Variants in CABCOCO1 observed in about 807,000 individuals in gnomAD.
CABCOCO1 encodes ciliary associated calcium binding coiled-coil 1.
In CABCOCO1, 28 loss-of-function variants were observed where a neutral mutation model predicts 35.7. The ratio of observed to expected loss-of-function variants is 0.78; its 90% CI spans 0.58 to 1.07. The LOEUF (loss-of-function observed/expected upper bound fraction) is 1.07, where lower values mean the gene tolerates loss of function less well. Ranked by LOEUF, CABCOCO1 falls within the 50% of genes least tolerant of loss-of-function variation. The pLI is 0.00. For missense variants in CABCOCO1, 326 were observed against 309.2 expected (o/e 1.05, Z -0.41); for synonymous variants, 95 against 100.1 (o/e 0.95, Z 0.30).
chr10:61,667,338 A>T (rs1839219167), intron 1 of CABCOCO1, among the ~76,000 whole-genome samples: 1 of 150,922 alleles, frequency 6.6e-6, no homozygotes. Flanking sequence ...TTACTGTGTC[A>T]ATATCATGTC....
chr10:61,722,949 C>T (rs961889136), intron 5 of CABCOCO1, among the ~76,000 whole-genome samples: 1 of 152,134 alleles, frequency 6.6e-6, no homozygotes, highest in African/African-American at 2.4e-5. Context: ...TGATAATTGA[C>T]CCGTATTTAA....
intron 2 of CABCOCO1, among the ~76,000 whole-genome samples, chr10:61,680,763 T>A (rs771029277): frequency 1.1e-5 from 1 of 95,196 alleles, no homozygotes; most frequent in African/African-American, 4.1e-5. Flanking sequence ...TATTTAACAA[T>A]TTAGTTCCAG....
chr10:61,697,328 A>G (rs536507241), intron 5 of CABCOCO1, among the ~76,000 whole-genome samples: 2 of 152,224 alleles, frequency 1.3e-5, no homozygotes, highest in South Asian at 4.1e-4. Context: ...AAAATGAAGT[A>G]TAGTCACACT....
intron 5 of CABCOCO1, among the ~76,000 whole-genome samples, chr10:61,757,335 T>G (rs1224655450): frequency 3.3e-5 from 5 of 152,068 alleles, no homozygotes; most frequent in African/African-American, 9.7e-5. Flanking sequence ...ACTTTATTAT[T>G]ATTAATGAAA....
chr10:61,683,453 T>C (rs1352580787), intron 3 of CABCOCO1, among the ~76,000 whole-genome samples: 1 of 151,966 alleles, frequency 6.6e-6, no homozygotes, highest in East Asian at 1.9e-4. Flanking sequence ...CTCAGCTACT[T>C]GGGATGCTGA....
intron 5 of CABCOCO1, among the ~76,000 whole-genome samples, chr10:61,745,904 A>G (rs1206442156): frequency 2.0e-5 from 3 of 152,204 alleles, no homozygotes; most frequent in African/African-American, 7.2e-5. Flanking sequence ...CTAGAGTTCA[A>G]ATCTTAGTTT....
chr10:61,663,346 C>G (rs1034073857), intron 1 of CABCOCO1, among the ~76,000 whole-genome samples: 2 of 151,818 alleles, frequency 1.3e-5, no homozygotes, highest in African/African-American at 4.8e-5. Flanking sequence ...GCGCTTCTAC[C>G]GCAGGTTTTG....
intron 5 of CABCOCO1, among the ~76,000 whole-genome samples, chr10:61,722,154 ACTATAT>A (rs1841038449): frequency 6.6e-6 from 1 of 152,082 alleles, no homozygotes; most frequent in Non-Finnish European, 1.5e-5. Context: ...ATACACACAA[ACTATAT>A]CTATATTTCC....
chr10:61,741,045 G>A (rs1017486113), intron 5 of CABCOCO1, among the ~76,000 whole-genome samples: 1 of 152,082 alleles, frequency 6.6e-6, no homozygotes, highest in Non-Finnish European at 1.5e-5. Context: ...TCGGGAGGCT[G>A]AGGCAAGAGA....
chr10:61,751,548 G>A (rs57541197), intron 5 of CABCOCO1, among the ~76,000 whole-genome samples: 14,421 of 152,070 alleles, frequency 0.095, 828 homozygotes, highest in Middle Eastern at 0.15. Flanking sequence ...GTTTGGGGAA[G>A]GTAATTAAGG....
chr10:61,723,217 A>G (rs992567443), intron 5 of CABCOCO1, among the ~76,000 whole-genome samples: 3 of 152,240 alleles, frequency 2.0e-5, no homozygotes, highest in Non-Finnish European at 4.4e-5. Context: ...AGACAAGAAG[A>G]AAAAACTGTT....
Position 61,765,993 on chromosome 10 carries a change from G to C in CABCOCO1, c.871G>C (p.Glu291Gln). Residue 291 changes from glutamate to glutamine, a missense_variant, in exon 8 of 8, where the codon GAA becomes CAA. Coordinates refer to ENST00000648843, the MANE Select transcript of CABCOCO1 (RefSeq NM_001366906.2). ...IQEEAFNARIEKLKKA is the reference protein window; with the variant it reads ...IQEEAFNARIQKLKKA ...GGAAGAGGCCTTTAATGCACGAATA[G>C]AAAAATTGAAAAAGGCCTAAGGACT... 1 of 1,613,052 alleles carries C rather than the reference G, an allele frequency of 6.2e-7. No individual in the cohort carries two copies. Among genetic ancestry groups the C allele is most frequent in the African/African-American group, 1.3e-5 (1 of 74,976 alleles).
intron 4 of CABCOCO1, among the ~76,000 whole-genome samples, chr10:61,686,415 C>T (rs1052054653): frequency 1.3e-5 from 2 of 149,066 alleles, no homozygotes; most frequent in Admixed American, 6.7e-5. Context: ...TTTGCATTCC[C>T]AAAAAAAAAG....
At chr10:61,714,911 T>C (rs1840823116) in intron 5 of CABCOCO1, among the ~76,000 whole-genome samples, 1 of 152,238 alleles carries the variant, frequency 6.6e-6, no homozygotes, top group Admixed American at 6.5e-5. Context: ...TTACATTTGC[T>C]GAGGAGTGCT....
chr10:61,664,023 G>GT (rs1839092184), intron 1 of CABCOCO1, among the ~76,000 whole-genome samples: 2 of 152,084 alleles, frequency 1.3e-5, no homozygotes, highest in Non-Finnish European at 2.9e-5. Context: ...TTATAAATGA[G>GT]GAAACACAAG....
At chr10:61,742,696 C>A (rs1330934876) in intron 5 of CABCOCO1, among the ~76,000 whole-genome samples, 1 of 152,220 alleles carries the variant, frequency 6.6e-6, no homozygotes. Context: ...GCCCAGCATA[C>A]ATTAGCACTC....
At chr10:61,693,358 T>C (rs1840206265) in intron 5 of CABCOCO1, among the ~76,000 whole-genome samples, 1 of 152,118 alleles carries the variant, frequency 6.6e-6, no homozygotes, top group Non-Finnish European at 1.5e-5. Context: ...TTCATGCTGA[T>C]CTCAGGGCTC....
Position 61,756,756 on chromosome 10 carries a change from T to G in CABCOCO1, c.553-3303T>G, listed in dbSNP as rs574565452. 1.1e-4 allele frequency among the ~76,000 whole-genome samples: 17 copies of G among 152,152 alleles called. 1 individual carries two copies. In the South Asian group the frequency reaches 3.5e-3, roughly 32 times the overall value. ...TCCCTTTGTTTCCTGATCTGAAGAT[T>G]ATGGGTGCTATTCTCATATAGAAGA... On this transcript the variant is annotated intron_variant, in intron 5 of 7. Transcript: ENST00000648843.
At chr10:61,677,732 TCTC>T (rs987373965) in intron 2 of CABCOCO1, among the ~76,000 whole-genome samples, 6 of 151,618 alleles carry the variant, frequency 4.0e-5, no homozygotes, top group African/African-American at 1.5e-4. Flanking sequence ...TGTGTGATGT[TCTC>T]CTTCCCGTGT....
Sources: allele counts gnomAD v4.1 joint callset (sites outside exome capture counted in the v4.1 genomes callset), GRCh38; gene constraint gnomAD v4.1.1; transcripts MANE v1.5; gene names NCBI Gene and HGNC (gene_info 2026-07-23, HGNC 2026-07-21).